LRMDA: variants seen among roughly 807,000 people sequenced by gnomAD.
LRMDA encodes leucine-rich melanocyte differentiation-associated protein.
In LRMDA, 18 loss-of-function variants were observed where a neutral mutation model predicts 29.8. That is an observed-to-expected ratio of 0.60 (90% CI 0.42 to 0.90). The LOEUF (loss-of-function observed/expected upper bound fraction) is 0.90. Ranked by LOEUF, LRMDA falls within the 40% of genes least tolerant of loss-of-function variation. The probability of loss-of-function intolerance (pLI) is 0.00; values close to 1 mark genes in which losing one functional copy is unlikely to be tolerated. For missense variants in LRMDA, 273 were observed against 273.9 expected, an observed-to-expected ratio of 1.00 and a Z score of 0.02; for synonymous variants, 125 against 109.4, an observed-to-expected ratio of 1.14 and a Z score of -0.89.
Position 76,399,776 on chromosome 10 carries a change from A to G in LRMDA, c.601+75291A>G, listed in dbSNP as rs76994672. Among the ~76,000 whole-genome samples, 3 of 152,276 alleles carry G rather than the reference A, an allele frequency of 2.0e-5. No homozygotes were observed. In the East Asian group the frequency reaches 5.8e-4, roughly 29 times the overall value. On this transcript the variant is annotated intron_variant, in intron 6 of 6. Transcript: ENST00000611255. ...CCCTTGTCTTTACTTCCCACATAGA[A>G]CTAGTTGCCAAGTCCTGTGAATTAT...
At chr10:75,902,505 T>TCTGAATGTTTAC (rs1845692407) in intron 2 of LRMDA, among the ~76,000 whole-genome samples, 1 of 151,512 alleles carries the variant, frequency 6.6e-6, no homozygotes, top group African/African-American at 2.4e-5. Context: ...TGCTTTGGGG[T>TCTGAATGTTTAC]ATCTAGAGCT....
chr10:75,918,609 G>A (rs919535812), intron 2 of LRMDA, among the ~76,000 whole-genome samples: 3 of 152,018 alleles, frequency 2.0e-5, no homozygotes, highest in African/African-American at 7.3e-5. Context: ...TAGGGATTAC[G>A]ATCCAACATG....
At chr10:76,193,043 T>C (rs1343108236) in intron 5 of LRMDA, among the ~76,000 whole-genome samples, 2 of 152,216 alleles carry the variant, frequency 1.3e-5, no homozygotes, top group East Asian at 1.9e-4. Flanking sequence ...ATAAATGCTA[T>C]ATAAAATGCT....
chr10:75,746,151 T>C (rs1842887662), intron 2 of LRMDA, among the ~76,000 whole-genome samples: 1 of 152,204 alleles, frequency 6.6e-6, no homozygotes, highest in African/African-American at 2.4e-5. Context: ...GCTTGGTACT[T>C]TCTGTATCTC....
intron 2 of LRMDA, among the ~76,000 whole-genome samples, chr10:75,962,549 A>T (rs546442839): frequency 3.3e-5 from 5 of 152,152 alleles, no homozygotes; most frequent in Admixed American, 6.5e-5. Flanking sequence ...CATCTGAAAC[A>T]TGTGTGCACA....
At chr10:75,767,159 A>G (rs986881840) in intron 2 of LRMDA, among the ~76,000 whole-genome samples, 1 of 152,190 alleles carries the variant, frequency 6.6e-6, no homozygotes, top group Non-Finnish European at 1.5e-5. Context: ...TTATATACCC[A>G]GCAATGGGAT....
chr10:75,607,227 C>T (rs1476187352), intron 2 of LRMDA, among the ~76,000 whole-genome samples: 1 of 152,184 alleles, frequency 6.6e-6, no homozygotes, highest in Non-Finnish European at 1.5e-5. Context: ...TGAGTTTTAA[C>T]TATCTTCTGA....
At chr10:75,451,799 A>T (rs1844464920) in intron 2 of LRMDA, 1 of 152,082 alleles carries the variant, frequency 6.6e-6, no homozygotes, top group African/African-American at 2.4e-5. Context: ...TGAATGCTGC[A>T]GCTAAGGCGA....
chr10:76,117,940 AT>A (rs1255113646), intron 5 of LRMDA, among the ~76,000 whole-genome samples: 1 of 152,184 alleles, frequency 6.6e-6, no homozygotes, highest in Non-Finnish European at 1.5e-5. Flanking sequence ...GATGCCAAAA[AT>A]TCAGGCTTTC....
chr10:75,703,412 T>C (rs909455976), intron 2 of LRMDA, among the ~76,000 whole-genome samples: 2 of 152,204 alleles, frequency 1.3e-5, no homozygotes, highest in African/African-American at 4.8e-5. Flanking sequence ...GGTGCCAGTG[T>C]GGGCTGTAAT....
intron 2 of LRMDA, among the ~76,000 whole-genome samples, chr10:75,577,440 G>A (rs938185512): frequency 7.2e-5 from 11 of 152,252 alleles, no homozygotes; most frequent in Non-Finnish European, 1.5e-4. Context: ...TAACGGGGAG[G>A]ATGGAACCAA....
At chr10:75,896,267 G>A (rs1437566347) in intron 2 of LRMDA, among the ~76,000 whole-genome samples, 1 of 152,166 alleles carries the variant, frequency 6.6e-6, no homozygotes, top group Non-Finnish European at 1.5e-5. Flanking sequence ...CTAGCTATAT[G>A]ATTTGGGGTA....
chr10:75,535,971 C>T (rs1018726976), intron 2 of LRMDA, among the ~76,000 whole-genome samples: 1 of 152,188 alleles, frequency 6.6e-6, no homozygotes, highest in African/African-American at 2.4e-5. Flanking sequence ...CTATGCAATC[C>T]TGTAGAATGA....
At chr10:75,982,659 C>G in intron 2 of LRMDA, among the ~76,000 whole-genome samples, 1 of 152,170 alleles carries the variant, frequency 6.6e-6, no homozygotes, top group Non-Finnish European at 1.5e-5. Flanking sequence ...TGACCTAGGA[C>G]TCATCAAGGT....
At chr10:76,224,239 A>G (rs537325212) in intron 5 of LRMDA, among the ~76,000 whole-genome samples, 1 of 151,996 alleles carries the variant, frequency 6.6e-6, no homozygotes, top group East Asian at 1.9e-4. Flanking sequence ...TGGTTCTAAG[A>G]GCACTTGAGG....
Position 75,910,674 on chromosome 10 carries a change from G to A in LRMDA, c.132-125334G>A, listed in dbSNP as rs564942867. Among the ~76,000 whole-genome samples, 6 of 152,252 alleles carry A rather than the reference G, an allele frequency of 3.9e-5. No homozygotes were observed. In the South Asian group the frequency reaches 8.3e-4, roughly 21 times the overall value. On this transcript the variant is annotated intron_variant, in intron 2 of 6. Coordinates refer to ENST00000611255, the MANE Select transcript of LRMDA (RefSeq NM_001305581.2). ...GATTTGCTCAAGATGTCAGCTGGGAGCAAAGCCATGCATAGAAGGCAGGTC... is the reference window on the plus strand; with the variant it reads ...GATTTGCTCAAGATGTCAGCTGGGAACAAAGCCATGCATAGAAGGCAGGTC...
chr10:75,635,762 T>C (rs1161826842), intron 2 of LRMDA, among the ~76,000 whole-genome samples: 1 of 152,220 alleles, frequency 6.6e-6, no homozygotes, highest in Non-Finnish European at 1.5e-5. Context: ...CCCTGCATGT[T>C]ATGTTGTCAA....
intron 2 of LRMDA, among the ~76,000 whole-genome samples, chr10:75,626,981 T>C (rs150881453): frequency 2.9e-4 from 44 of 152,348 alleles, no homozygotes; most frequent in Middle Eastern, 3.4e-3. Context: ...GCTGAAGTGA[T>C]GGTTGCCTCA....
chr10:75,599,266 G>C (rs1180066882), intron 2 of LRMDA, among the ~76,000 whole-genome samples: 1 of 152,208 alleles, frequency 6.6e-6, no homozygotes, highest in Non-Finnish European at 1.5e-5. Context: ...GGGCCATTAA[G>C]AGGTGTAGAA....
Sources: allele counts gnomAD v4.1 joint callset (sites outside exome capture counted in the v4.1 genomes callset), GRCh38; gene constraint gnomAD v4.1.1; transcripts MANE v1.5; gene names NCBI Gene and HGNC (gene_info 2026-07-23, HGNC 2026-07-21).